CCDC57: variants seen among roughly 807,000 people sequenced by gnomAD.
CCDC57 encodes coiled-coil domain containing 57.
Under a neutral mutation model 118.9 loss-of-function variants are expected in CCDC57, and 118 were observed. The ratio of observed to expected loss-of-function variants is 0.99; its 90% CI spans 0.86 to 1.16. The LOEUF (loss-of-function observed/expected upper bound fraction) is 1.16. Ranked by LOEUF, CCDC57 falls within the 50% of genes most tolerant of loss-of-function variation. CCDC57 has a pLI of 0.00. For synonymous variants in CCDC57, 527 were observed against 532.9 expected (o/e 0.99, Z 0.15); for missense variants, 1,300 against 1,320.7 (o/e 0.98, Z 0.24).
Position 82,132,950 on chromosome 17 carries a change from G to A in CCDC57, c.2577+1123C>T, listed in dbSNP as rs2038625836. The stretch of plus-strand genomic sequence containing the variant: ...AATTTTTGTATTTTTAGTAGAGACG[G>A]GGTTTCACCATGTTGGTCAGGCTGG... On this transcript the variant is annotated intron_variant, in intron 17 of 19. Transcript: ENST00000665763. Among the ~76,000 whole-genome samples, 7 of 152,028 alleles carry A rather than the reference G, an allele frequency of 4.6e-5. No homozygotes were observed. The South Asian group carries it at 1.5e-3, about 32-fold the overall frequency.
At chr17:82,164,362 CAG>C (rs1162972610) in intron 13 of CCDC57, among the ~76,000 whole-genome samples, 2 of 152,016 alleles carry the variant, frequency 1.3e-5, no homozygotes, top group African/African-American at 4.8e-5. Flanking sequence ...GCCTGGGTGA[CAG>C]AGTGAGACTC....
At chr17:82,122,441 C>T (rs918652041) in intron 19 of CCDC57, among the ~76,000 whole-genome samples, 5 of 152,106 alleles carry the variant, frequency 3.3e-5, no homozygotes, top group African/African-American at 7.2e-5. Context: ...CTCTAGGACT[C>T]GGAGGGCAGG....
chr17:82,156,013 G>C (rs995615194), intron 15 of CCDC57: 2 of 152,126 alleles, frequency 1.3e-5, no homozygotes, highest in Non-Finnish European at 2.9e-5. Flanking sequence ...AGGCACAGTG[G>C]GCCACTGTGC....
At position 82,172,619 on chromosome 17, in the gene CCDC57, G is replaced by T; in HGVS notation, c.1729+19C>A. On this transcript the variant is annotated intron_variant, in intron 12 of 19. Coordinates refer to ENST00000665763, the Ensembl canonical transcript of CCDC57. The surrounding 1 kb of genome is among the most constrained non-coding windows in gnomAD (Gnocchi z 5.2). ...TCCCCCTTCCTCTCCCGCTCTGTCC[G>T]TTTCTCCCACTTACTCACCAGGAGT... 1 of 1,546,586 alleles carries T rather than the reference G, an allele frequency of 6.5e-7. No homozygotes were observed. The highest frequency in any genetic ancestry group is 8.7e-7 in the Non-Finnish European group (1 of 1,144,084).
Position 82,128,650 on chromosome 17 carries a change from G to T in CCDC57, c.2578-53C>A, listed in dbSNP as rs1241232270. ...TCTGGTATTCACATGTACTGATGGTGCATGTCAGTGAGTTTTCCCACAAGA... is the reference window on the plus strand; with the variant it reads ...TCTGGTATTCACATGTACTGATGGTTCATGTCAGTGAGTTTTCCCACAAGA... On this transcript the variant is annotated intron_variant, in intron 17 of 19. Coordinates refer to ENST00000665763, the Ensembl canonical transcript of CCDC57. The T allele has an allele frequency of 3.8e-6, 5 of 1,321,412 alleles. No individual in the cohort carries two copies. In the Admixed American group the frequency reaches 1.1e-4, roughly 28 times the overall value. 81.9% of individuals were successfully genotyped at this position (1,321,412 alleles called of 1,614,324 possible). A position where few individuals can be genotyped will look rare whatever the true frequency, so the allele number is the denominator to read the frequency against.
chr17:82,177,919 C>T (rs534690676), intron 11 of CCDC57, among the ~76,000 whole-genome samples: 1 of 152,202 alleles, frequency 6.6e-6, no homozygotes, highest in Non-Finnish European at 1.5e-5. Context: ...TGCTCTCCCC[C>T]AGCCTCCTAC....
rs1277217236 is a variant in CCDC57, at chr17:82,172,393, AAGCAGGT to A, written c.1729+238_1729+244del. Reference sequence around the variant, plus strand: ...TCTAAAACAGGTTTTTAAGTGTGTCAAGCAGGTACCCTCATTTTTTCCTTCCACTTTA... The same window carrying A: ...TCTAAAACAGGTTTTTAAGTGTGTCAACCCTCATTTTTTCCTTCCACTTTA... On this transcript the variant is annotated intron_variant, in intron 12 of 19. Coordinates refer to ENST00000665763, the Ensembl canonical transcript of CCDC57. This position sits in a 1 kb window ranked among gnomAD's most constrained non-coding sequence, Gnocchi z 5.2. Among the ~76,000 whole-genome samples the A allele has an allele frequency of 6.6e-6, 1 of 152,228 alleles. No individual in the cohort carries two copies. The highest frequency in any genetic ancestry group is 1.9e-4 in the East Asian group (1 of 5,202).
chr17:82,160,833 C>T (rs2043229194), intron 14 of CCDC57, among the ~76,000 whole-genome samples: 1 of 145,248 alleles, frequency 6.9e-6, no homozygotes, highest in African/African-American at 2.6e-5. Flanking sequence ...GAGATCACGC[C>T]ATTGCACTCC....
intron 9 of CCDC57, among the ~76,000 whole-genome samples, 177 bp downstream of exon 8, chr17:82,183,597 G>A (rs1391960204): frequency 6.6e-6 from 1 of 152,108 alleles, no homozygotes; most frequent in East Asian, 1.9e-4. Context: ...CCTTCTGCAT[G>A]TCTTCCCACA....
At chr17:82,142,792 A>T (rs1279379558) in intron 16 of CCDC57, among the ~76,000 whole-genome samples, 4 of 152,240 alleles carry the variant, frequency 2.6e-5, no homozygotes, top group African/African-American at 9.6e-5. Context: ...AATAAAAAGT[A>T]GTATTCCGCA....
At chr17:82,198,718 C>T (rs1008719069) in intron 3 of CCDC57, among the ~76,000 whole-genome samples, 2 of 151,964 alleles carry the variant, frequency 1.3e-5, no homozygotes, top group African/African-American at 2.4e-5. Context: ...TGACCAGGCC[C>T]AGTGGCTCAC....
intron 11 of CCDC57, chr17:82,175,656 CT>C (rs1415330402): frequency 6.6e-6 from 1 of 152,222 alleles, no homozygotes; most frequent in Non-Finnish European, 1.5e-5. Context: ...TTGATGTCTC[CT>C]GTCTCCCTAC....
intron 5 of CCDC57, 147 bp from the exon 5 acceptor site, chr17:82,194,286 A>G: frequency 3.8e-6 from 3 of 791,600 alleles, no homozygotes; most frequent in African/African-American, 3.5e-5. Context: ...ATGTCCTAAC[A>G]CAACTCAAAC....
chr17:82,208,560 C>A (rs1183884300), intron 1 of CCDC57, among the ~76,000 whole-genome samples: 1 of 152,092 alleles, frequency 6.6e-6, no homozygotes, highest in Non-Finnish European at 1.5e-5. Flanking sequence ...TGGCCTAATA[C>A]CCTTAACTTA....
Position 82,192,856 on chromosome 17 carries a change from C to T in CCDC57, c.851+900G>A, listed in dbSNP as rs528466982. Among the ~76,000 whole-genome samples, 1 of 152,220 alleles carries T rather than the reference C, an allele frequency of 6.6e-6. No individual in the cohort carries two copies. Among genetic ancestry groups the T allele is most frequent in the South Asian group, 2.1e-4 (1 of 4,820 alleles). ...ACAAATATCATGTCAATAAAAAATG[C>T]AAGAAAAATCGCCTGAGTCACTGTC... On this transcript the variant is annotated intron_variant, in intron 7 of 19. Coordinates refer to ENST00000665763, the Ensembl canonical transcript of CCDC57. The surrounding 1 kb of genome is among the most constrained non-coding windows in gnomAD (Gnocchi z 4.0).
chr17:82,106,493 G>A (rs1472660648), intron 19 of CCDC57: 1 of 152,488 alleles, frequency 6.6e-6, no homozygotes, highest in African/African-American at 2.4e-5. Flanking sequence ...GCCAGGCAGT[G>A]GCCTGAGAGC....
intron 16 of CCDC57, among the ~76,000 whole-genome samples, chr17:82,140,187 G>A (rs763757451): frequency 2.6e-5 from 4 of 152,032 alleles, no homozygotes; most frequent in Non-Finnish European, 5.9e-5. Flanking sequence ...CCCAGTTCAC[G>A]CCATTCTCCT....
intron 15 of CCDC57, chr17:82,155,324 G>C (rs969909554): frequency 3.9e-5 from 6 of 152,276 alleles, no homozygotes; most frequent in Non-Finnish European, 8.8e-5. Flanking sequence ...ACTCTCGCGT[G>C]GAAGAGTGCC....
intron 5 of CCDC57, 24 bp downstream of exon 4, chr17:82,195,239 C>T (rs762086542): frequency 3.8e-5 from 59 of 1,544,918 alleles, no homozygotes; most frequent in Non-Finnish European, 4.7e-5. Flanking sequence ...AAAACCTTCA[C>T]GACCCAAGGG....
Sources: allele counts gnomAD v4.1 joint callset (sites outside exome capture counted in the v4.1 genomes callset), GRCh38; gene constraint gnomAD v4.1.1; non-coding constraint Gnocchi (gnomAD v3.1); transcripts MANE v1.5; gene names NCBI Gene and HGNC (gene_info 2026-07-23, HGNC 2026-07-21).